LRIG3: variants seen among roughly 807,000 people sequenced by gnomAD.
LRIG3 encodes leucine rich repeats and immunoglobulin like domains 3, also known as leucine-rich repeats and immunoglobulin-like domains protein 3.
In LRIG3, 76 loss-of-function variants were observed where a neutral mutation model predicts 114.5. The ratio of observed to expected loss-of-function variants is 0.66; its 90% CI spans 0.55 to 0.80. LRIG3 has a LOEUF of 0.80. Ranked by LOEUF, LRIG3 falls within the 30% of genes least tolerant of loss-of-function variation. The pLI is 0.00. For synonymous variants in LRIG3, 512 were observed against 519.8 expected (o/e 0.98, Z 0.20); for missense variants, 1,239 against 1,382.8 (o/e 0.90, Z 1.65).
At chr12:58,913,872 GA>G (rs1592312504) in intron 3 of LRIG3, 109 bp downstream of exon 3, 3 of 943,012 alleles carry the variant, frequency 3.2e-6, no homozygotes, top group African/African-American at 1.7e-5. Context: ...ACTATGCCCT[GA>G]AAAAAATATT....
intron 3 of LRIG3, among the ~76,000 whole-genome samples, chr12:58,902,676 G>A (rs941757681): frequency 2.1e-4 from 32 of 151,362 alleles, no homozygotes; most frequent in East Asian, 1.9e-4. Flanking sequence ...CCATTAACTC[G>A]TCATTTAGCA....
At chr12:58,909,031 C>T (rs1318912815) in intron 3 of LRIG3, among the ~76,000 whole-genome samples, 2 of 152,180 alleles carry the variant, frequency 1.3e-5, no homozygotes, top group Non-Finnish European at 2.9e-5. Flanking sequence ...CCCAGAAACA[C>T]ACACAACTCC....
chr12:58,887,405 G>A (rs1020465084), intron 8 of LRIG3, among the ~76,000 whole-genome samples: 2 of 152,114 alleles, frequency 1.3e-5, no homozygotes, highest in African/African-American at 4.8e-5. Context: ...ATCAGGTTGA[G>A]GATATAACTG....
intron 14 of LRIG3, among the ~76,000 whole-genome samples, chr12:58,878,078 T>A (rs1243551918): frequency 3.9e-5 from 6 of 152,164 alleles, no homozygotes; most frequent in Non-Finnish European, 1.5e-5. Flanking sequence ...ATTTTTAAAA[T>A]CTCAGCTTCC....
intron 1 of LRIG3, among the ~76,000 whole-genome samples, chr12:58,917,320 T>C (rs1215345537): frequency 6.6e-6 from 1 of 152,242 alleles, no homozygotes; most frequent in East Asian, 1.9e-4. Flanking sequence ...ATTGGCAATT[T>C]AGCAACTTTT....
Position 58,888,370 on chromosome 12 carries a change from G to T in LRIG3, c.906C>A (p.Ile302=). ...LHLSQNAINR[I]SPDAWEFCQK... ...GGCAGAACTCCCAGGCATCAGGGCT[G>T]ATCCTGTTGATGGCATTTTGGCTGA... The change falls in exon 7 of 19, where the codon ATC becomes ATA. Residue 302 remains isoleucine, a synonymous_variant. Coordinates refer to ENST00000320743, the MANE Select transcript of LRIG3 (RefSeq NM_153377.5). 6.2e-7 allele frequency: 1 copy of T among 1,613,878 alleles called. No individual in the cohort carries two copies. The highest frequency in any genetic ancestry group is 8.5e-7 in the Non-Finnish European group (1 of 1,179,842).
chr12:58,888,304 G>C, intron 7 of LRIG3, 25 bp downstream of exon 7: 3 of 1,606,876 alleles, frequency 1.9e-6, no homozygotes, highest in Non-Finnish European at 8.5e-7. Context: ...TCAAACCTGA[G>C]GAGAATAAAT....
chr12:58,876,920 G>A (rs548251837), intron 15 of LRIG3, among the ~76,000 whole-genome samples: 3 of 152,278 alleles, frequency 2.0e-5, no homozygotes, highest in South Asian at 2.1e-4. Flanking sequence ...CTAAGCTTTC[G>A]AATTATGCTT....
At chr12:58,919,412 G>A in intron 1 of LRIG3, 1 of 1,551,640 alleles carries the variant, frequency 6.4e-7, no homozygotes, top group South Asian at 1.2e-5. Context: ...ATCTGGTTGA[G>A]GAGTGGGAAC....
At chr12:58,909,821 C>A (rs148587374) in intron 3 of LRIG3, among the ~76,000 whole-genome samples, 9 of 152,236 alleles carry the variant, frequency 5.9e-5, no homozygotes, top group African/African-American at 2.2e-4. Context: ...GTTCTACTGA[C>A]GTGACTTCAC....
intron 13 of LRIG3, among the ~76,000 whole-genome samples, chr12:58,879,744 A>G (rs1399027894): frequency 6.6e-6 from 1 of 152,240 alleles, no homozygotes; most frequent in Non-Finnish European, 1.5e-5. Flanking sequence ...GCATTTACTG[A>G]GCACTACCTT....
At position 58,888,864 on chromosome 12, in the gene LRIG3, T is replaced by C; in HGVS notation, c.758A>G (p.Lys253Arg). 6.2e-7 allele frequency: 1 copy of C among 1,613,830 alleles called. No homozygotes were observed. The change falls in exon 6 of 19, where the codon AAA becomes AGA. Residue 253 changes from lysine to arginine, a missense_variant. Physicochemically the swap from Lys to Arg is conservative, Grantham distance 26 (BLOSUM62 2). Coordinates refer to ENST00000320743, the MANE Select transcript of LRIG3 (RefSeq NM_153377.5). ...CCCCCAAAAAGCTCCATCCATAAGT[T>C]TCGTTACTCCATTTCTTTGCATTTT... Reference protein sequence around the residue: ...SLKMQRNGVTKLMDGAFWGLS... With the variant: ...SLKMQRNGVTRLMDGAFWGLS...
chr12:58,873,956 T>C (rs1870820386), intron 18 of LRIG3, 99 bp downstream of exon 18: 2 of 1,420,096 alleles, frequency 1.4e-6, no homozygotes, highest in Non-Finnish European at 1.9e-6. Context: ...CAAGAAACCA[T>C]TTTTTACCAG....
intron 3 of LRIG3, among the ~76,000 whole-genome samples, chr12:58,891,107 A>T (rs1164189115): frequency 2.0e-5 from 3 of 151,700 alleles, no homozygotes; most frequent in African/African-American, 7.3e-5. Flanking sequence ...TTTTTTTTTA[A>T]AAATTTTTAT....
chr12:58,920,302 A>T lies in LRIG3; in HGVS notation c.-67T>A. The T allele has an allele frequency of 8.2e-7, 1 of 1,219,756 alleles. No individual in the cohort carries two copies. Among genetic ancestry groups the T allele is most frequent in the Non-Finnish European group, 1.0e-6 (1 of 954,010 alleles). The allele number at this position is 1,219,756 out of a possible 1,614,324, so 75.6% of individuals were successfully genotyped here. On this transcript the variant is annotated 5_prime_UTR_variant, in exon 1 of 19. Coordinates refer to ENST00000320743, the MANE Select transcript of LRIG3 (RefSeq NM_153377.5). ...GGCGCGCGCTCGGGGCCCGGCACAA[A>T]CTTCCAGCCGAGGGTGCACGCCCGC...
intron 3 of LRIG3, among the ~76,000 whole-genome samples, chr12:58,903,702 TA>T (rs1472702148): frequency 1.3e-5 from 2 of 152,030 alleles, no homozygotes; most frequent in Non-Finnish European, 2.9e-5. Flanking sequence ...GTTTTAGGTC[TA>T]ATGTTTAAGT....
intron 2 of LRIG3, 52 bp downstream of exon 2, chr12:58,914,213 A>G (rs1872391068): frequency 5.2e-6 from 8 of 1,552,334 alleles, no homozygotes; most frequent in Non-Finnish European, 7.1e-6. Context: ...TAAATAGTAT[A>G]AGGGGTAACG....
intron 7 of LRIG3, 22 bp from the exon 8 acceptor site, chr12:58,887,954 G>A (rs778571531): frequency 1.5e-5 from 24 of 1,601,552 alleles, no homozygotes; most frequent in South Asian, 2.2e-5. Context: ...AAAGAGAAAA[G>A]CAATAGCTTT....
chr12:58,914,423 C>G (rs1872401713), intron 1 of LRIG3, 87 bp from the exon 2 acceptor site: 2 of 976,126 alleles, frequency 2.0e-6, no homozygotes, highest in Non-Finnish European at 1.6e-6. Context: ...TCTATGAACA[C>G]CAGTGAGAGC....
Sources: gnomAD v4.1 joint callset for allele counts (sites outside exome capture counted in the v4.1 genomes callset) on GRCh38, gnomAD v4.1.1 for gene constraint, MANE v1.5 for transcripts, NCBI Gene and HGNC (gene_info 2026-07-23, HGNC 2026-07-21) for gene names.